The following CCDC192 variants were observed in gnomAD, a reference collection of about 807,000 sequenced individuals.
The protein encoded by CCDC192 is coiled-coil domain containing 192.
chr5:127,935,188 C>T (rs1296766017), intron 6 of CCDC192: 2 of 152,234 alleles, frequency 1.3e-5, no homozygotes, highest in Admixed American at 1.3e-4. Flanking sequence ...CCCTACTTCA[C>T]TGTGAAGCTG....
chr5:127,812,907 G>A (rs1372252458), intron 5 of CCDC192, among the ~76,000 whole-genome samples: 2 of 152,170 alleles, frequency 1.3e-5, no homozygotes, highest in African/African-American at 4.8e-5. Context: ...TACTTTCTCA[G>A]CTTCCTGGAG....
In CCDC192 at chr5:127,760,598, A is replaced by C. The variant is rs145689507; in HGVS notation, c.222+6223A>C. On this transcript the variant is annotated intron_variant, in intron 3 of 6. Coordinates refer to ENST00000514853, the MANE Select transcript of CCDC192 (RefSeq NM_001317938.2). ...TCCAACTGCATGGCTAACACGGTGC[A>C]ACCCCATCTCTACTAAAAAATACAA... 5.9e-3 allele frequency among the ~76,000 whole-genome samples: 895 copies of C among 151,508 alleles called. 9 individuals are homozygous for C. Among genetic ancestry groups the C allele is most frequent in the Non-Finnish European group, 8.9e-3 (604 of 67,922 alleles).
intron 6 of CCDC192, among the ~76,000 whole-genome samples, chr5:127,901,652 G>T (rs1379936661): frequency 1.3e-5 from 2 of 152,152 alleles, no homozygotes; most frequent in African/African-American, 4.8e-5. Context: ...TGGCATCCAA[G>T]AATCTTCTCT....
In CCDC192 at chr5:127,842,507, T is replaced by C. The variant is rs549931735; in HGVS notation, c.412-33031T>C. Among the ~76,000 whole-genome samples, 18 of 152,306 alleles carry C rather than the reference T, an allele frequency of 1.2e-4. 1 individual carries two copies. In the South Asian group the frequency reaches 3.5e-3, roughly 30 times the overall value. ...TGCTGGGATTACAGGCATGAGCTAC[T>C]GTGCCCGGCCAAAATTCTTAATAAT... On this transcript the variant is annotated intron_variant, in intron 5 of 6. Transcript: ENST00000514853.
intron 5 of CCDC192, among the ~76,000 whole-genome samples, chr5:127,800,719 A>G (rs1297704325): frequency 6.6e-6 from 1 of 152,140 alleles, no homozygotes; most frequent in Non-Finnish European, 1.5e-5. Flanking sequence ...TCCCCCAGCC[A>G]TGGTGGATAA....
intron 6 of CCDC192, among the ~76,000 whole-genome samples, chr5:127,901,277 C>A (rs1035970583): frequency 1.2e-4 from 18 of 152,028 alleles, no homozygotes; most frequent in Non-Finnish European, 2.2e-4. Flanking sequence ...TAGGTAATAT[C>A]TTAAAAAAAT....
chr5:127,892,727 A>G (rs1384047850), intron 6 of CCDC192, among the ~76,000 whole-genome samples: 1 of 152,200 alleles, frequency 6.6e-6, no homozygotes, highest in Non-Finnish European at 1.5e-5. Context: ...AATTTAAATA[A>G]AGTACTCAGA....
intron 3 of CCDC192, among the ~76,000 whole-genome samples, chr5:127,791,189 T>C (rs1186496886): frequency 6.6e-6 from 1 of 152,220 alleles, no homozygotes; most frequent in Non-Finnish European, 1.5e-5. Flanking sequence ...ATAACAATTG[T>C]CATATTATAA....
At chr5:127,758,461 G>A (rs1754735545) in intron 3 of CCDC192, among the ~76,000 whole-genome samples, 1 of 152,174 alleles carries the variant, frequency 6.6e-6, no homozygotes, top group Admixed American at 6.6e-5. Flanking sequence ...AGGATAACTT[G>A]CAATTAAGAC....
At chr5:127,787,226 G>A (rs1018558042) in intron 3 of CCDC192, among the ~76,000 whole-genome samples, 1 of 152,056 alleles carries the variant, frequency 6.6e-6, no homozygotes. Context: ...TACCCAAAAG[G>A]CTCCCCTGAT....
intron 6 of CCDC192, among the ~76,000 whole-genome samples, chr5:127,885,340 G>A (rs1274691466): frequency 6.6e-6 from 1 of 152,196 alleles, no homozygotes; most frequent in Non-Finnish European, 1.5e-5. Context: ...TTCCTTCCAG[G>A]ATATTTGCAG....
intron 2 of CCDC192, among the ~76,000 whole-genome samples, chr5:127,743,099 G>C (rs1452708047): frequency 6.6e-6 from 1 of 151,918 alleles, no homozygotes; most frequent in African/African-American, 2.4e-5. Context: ...ACACAGACAG[G>C]AGAAGAGGGG....
At chr5:127,790,957 G>A (rs958414641) in intron 3 of CCDC192, among the ~76,000 whole-genome samples, 1 of 152,142 alleles carries the variant, frequency 6.6e-6, no homozygotes, top group Non-Finnish European at 1.5e-5. Context: ...AAAGAAAGTA[G>A]AAATGCATCC....
At chr5:127,735,722 C>A (rs923637648) in intron 2 of CCDC192, among the ~76,000 whole-genome samples, 2 of 128,904 alleles carry the variant, frequency 1.6e-5, no homozygotes, top group African/African-American at 7.2e-5. Flanking sequence ...TGATTTGGCT[C>A]TCTGTTTGTC....
intron 3 of CCDC192, among the ~76,000 whole-genome samples, chr5:127,767,694 A>G (rs1398736580): frequency 6.6e-6 from 1 of 152,184 alleles, no homozygotes; most frequent in Non-Finnish European, 1.5e-5. Flanking sequence ...AAACTTAGGA[A>G]TCTCTTTGCC....
intron 1 of CCDC192, 59 bp downstream of exon 1, chr5:127,703,566 C>G (rs1295748548): frequency 1.0e-5 from 4 of 396,996 alleles, no homozygotes; most frequent in Non-Finnish European, 1.8e-5. Flanking sequence ...GATAAAGTAG[C>G]TTTCACTCAG....
chr5:127,854,502 C>G (rs1750968795), intron 5 of CCDC192, among the ~76,000 whole-genome samples: 1 of 151,916 alleles, frequency 6.6e-6, no homozygotes, highest in Non-Finnish European at 1.5e-5. Flanking sequence ...ATAAGTAAAA[C>G]TCTATCATAG....
chr5:127,712,580 C>A (rs1048067329), intron 2 of CCDC192, among the ~76,000 whole-genome samples: 8 of 152,156 alleles, frequency 5.3e-5, no homozygotes, highest in African/African-American at 1.2e-4. Context: ...GCTAAATAAA[C>A]CTCTTTTCTT....
chr5:127,937,099 A>G (rs1181386894), intron 6 of CCDC192, among the ~76,000 whole-genome samples: 1 of 152,248 alleles, frequency 6.6e-6, no homozygotes, highest in Non-Finnish European at 1.5e-5. Context: ...TAGAAATGGA[A>G]CAAAATATTT....
Sources: allele counts gnomAD v4.1 joint callset (sites outside exome capture counted in the v4.1 genomes callset), GRCh38; gene constraint gnomAD v4.1.1; transcripts MANE v1.5; gene names NCBI Gene and HGNC (gene_info 2026-07-23, HGNC 2026-07-21).